FILIP1L: variants seen among roughly 807,000 people sequenced by gnomAD.
FILIP1L encodes the protein filamin A interacting protein 1 like, also known as filamin A-interacting protein 1-like.
FILIP1L carries 55 observed loss-of-function variants against 96.6 expected under a neutral mutation model. The observed-to-expected ratio is 0.57, with a 90% confidence interval of 0.46 to 0.71. FILIP1L has a LOEUF of 0.71. FILIP1L is among the 30% of genes least tolerant of loss of function. The pLI is 0.00. For missense variants in FILIP1L, 1,304 were observed against 1,321.2 expected, an observed-to-expected ratio of 0.99 and a Z score of 0.20; for synonymous variants, 467 against 473.9, an observed-to-expected ratio of 0.99 and a Z score of 0.19.
chr3:99,913,012 G>A (rs2107641202), intron 4 of FILIP1L, among the ~76,000 whole-genome samples: 1 of 152,180 alleles, frequency 6.6e-6, no homozygotes, highest in Non-Finnish European at 1.5e-5. Flanking sequence ...GAGGTTAGAG[G>A]GGCATTCATG....
At chr3:100,063,958 A>C (rs1208447785) in intron 1 of FILIP1L, among the ~76,000 whole-genome samples, 1 of 152,224 alleles carries the variant, frequency 6.6e-6, no homozygotes, top group Non-Finnish European at 1.5e-5. Context: ...CCGTCAGCCA[A>C]ACCCATTGGT....
intron 4 of FILIP1L, among the ~76,000 whole-genome samples, chr3:99,867,403 G>A (rs1340704023): frequency 6.6e-6 from 1 of 152,050 alleles, no homozygotes; most frequent in Non-Finnish European, 1.5e-5. Context: ...ACTATCTCAG[G>A]TTTTAGTAGC....
At chr3:100,082,822 G>A (rs975267564) in intron 1 of FILIP1L, among the ~76,000 whole-genome samples, 9 of 152,086 alleles carry the variant, frequency 5.9e-5, no homozygotes, top group South Asian at 4.2e-4. Flanking sequence ...ACTTACCTTC[G>A]TTGACTTAAG....
intron 1 of FILIP1L, among the ~76,000 whole-genome samples, chr3:100,048,652 C>G (rs1175811916): frequency 3.3e-5 from 5 of 152,074 alleles, no homozygotes; most frequent in Admixed American, 3.3e-4. Context: ...AAATAAAAGC[C>G]AAATCAGGAA....
intron 1 of FILIP1L, among the ~76,000 whole-genome samples, chr3:100,046,284 A>G (rs953838371): frequency 9.9e-5 from 15 of 152,196 alleles, no homozygotes; most frequent in African/African-American, 3.4e-4. Context: ...CTAATTCTAG[A>G]TAGTCCACTC....
chr3:99,906,307 A>G (rs934360888), intron 4 of FILIP1L, among the ~76,000 whole-genome samples: 3 of 152,194 alleles, frequency 2.0e-5, no homozygotes, highest in East Asian at 1.9e-4. Context: ...TCCCTTTCAC[A>G]TGCTTATTTG....
At chr3:100,018,304 C>T (rs1416775743) in intron 1 of FILIP1L, among the ~76,000 whole-genome samples, 1 of 151,912 alleles carries the variant, frequency 6.6e-6, no homozygotes, top group Non-Finnish European at 1.5e-5. Flanking sequence ...CCAGCCTAGG[C>T]GACAAGAGCA....
chr3:100,054,794 G>A (rs761211608), intron 1 of FILIP1L, among the ~76,000 whole-genome samples: 11 of 152,202 alleles, frequency 7.2e-5, no homozygotes, highest in South Asian at 4.2e-4. Context: ...TCTGGATCCC[G>A]TAACCTTGCC....
intron 1 of FILIP1L, among the ~76,000 whole-genome samples, chr3:99,976,006 TC>T (rs1708959374): frequency 6.6e-6 from 1 of 152,168 alleles, no homozygotes; most frequent in Non-Finnish European, 1.5e-5. Flanking sequence ...TGCCTCAGCC[TC>T]CCAAGTAGCT....
intron 1 of FILIP1L, among the ~76,000 whole-genome samples, chr3:99,999,286 C>T (rs2107158682): frequency 6.6e-6 from 1 of 152,286 alleles, no homozygotes; most frequent in Non-Finnish European, 1.5e-5. Flanking sequence ...TCTCATAGCA[C>T]ATATCACATT....
intron 1 of FILIP1L, among the ~76,000 whole-genome samples, chr3:100,033,707 A>G (rs1364583285): frequency 6.6e-6 from 1 of 152,160 alleles, no homozygotes; most frequent in African/African-American, 2.4e-5. Context: ...ACAATTCAGA[A>G]TTGATTTTAA....
chr3:99,867,396 A>G (rs1212099926), intron 4 of FILIP1L, among the ~76,000 whole-genome samples: 2 of 152,206 alleles, frequency 1.3e-5, no homozygotes, highest in Non-Finnish European at 2.9e-5. Context: ...AAGGCAAACT[A>G]TCTCAGGTTT....
intron 1 of FILIP1L, among the ~76,000 whole-genome samples, chr3:100,107,275 A>T (rs1323448856): frequency 6.6e-6 from 1 of 152,164 alleles, no homozygotes; most frequent in African/African-American, 2.4e-5. Flanking sequence ...TGCTGAAAAA[A>T]CTAGGTTATT....
At chr3:99,876,420 T>G (rs1705528159) in intron 4 of FILIP1L, among the ~76,000 whole-genome samples, 1 of 152,172 alleles carries the variant, frequency 6.6e-6, no homozygotes, top group Non-Finnish European at 1.5e-5. Flanking sequence ...CGCCCTCCTG[T>G]CGGGCTAACA....
At chr3:99,979,354 G>T (rs544686350) in intron 1 of FILIP1L, among the ~76,000 whole-genome samples, 1 of 152,230 alleles carries the variant, frequency 6.6e-6, no homozygotes, top group East Asian at 1.9e-4. Context: ...TGTATATACG[G>T]CTCAGAGTTA....
chr3:100,111,539 G>C (rs1399956651), intron 1 of FILIP1L, among the ~76,000 whole-genome samples: 1 of 152,142 alleles, frequency 6.6e-6, no homozygotes, highest in East Asian at 1.9e-4. Context: ...AAATGACATT[G>C]TTAATGCCAT....
Position 99,849,321 on chromosome 3 carries a change from G to C in FILIP1L, c.2355C>G (p.Leu785=), listed in dbSNP as rs565335249. Residue 785 remains leucine (L), a synonymous_variant, in exon 5 of 6, where the codon CTC becomes CTG. Transcript: ENST00000477258. ...GAGGATCGGAAATTCTTCTTCCATT[G>C]AGACTAGGCCTGAGGCTCTTACTGA... ...RHFSKSLRPS[L]NGRRISDPQV... 18 of 1,614,116 alleles carry C rather than the reference G, an allele frequency of 1.1e-5. No homozygotes were observed. In the East Asian group the frequency reaches 4.0e-4, roughly 36 times the overall value.
intron 4 of FILIP1L, among the ~76,000 whole-genome samples, chr3:99,855,477 G>T (rs1320984615): frequency 6.6e-6 from 1 of 152,098 alleles, no homozygotes; most frequent in Admixed American, 6.6e-5. Flanking sequence ...TAATTCTCAT[G>T]ACAAATTTAC....
At chr3:100,062,261 G>A (rs1022134542) in intron 1 of FILIP1L, among the ~76,000 whole-genome samples, 5 of 151,376 alleles carry the variant, frequency 3.3e-5, no homozygotes, top group Non-Finnish European at 5.9e-5. Flanking sequence ...ACAGGCGCTC[G>A]CCACCACGCC....
Sources: gnomAD v4.1 joint callset for allele counts (sites outside exome capture counted in the v4.1 genomes callset) on GRCh38, gnomAD v4.1.1 for gene constraint, MANE v1.5 for transcripts, NCBI Gene and HGNC (gene_info 2026-07-23, HGNC 2026-07-21) for gene names.